The following ZNF624 variants were observed in gnomAD, a reference collection of about 807,000 sequenced individuals.
ZNF624 encodes zinc finger protein 624.
Under a neutral mutation model 74.7 loss-of-function variants are expected in ZNF624, and 43 were observed. The observed-to-expected ratio is 0.58, with a 90% CI of 0.45 to 0.74. ZNF624 has a LOEUF of 0.74. Ranked by LOEUF, ZNF624 falls within the 30% of genes least tolerant of loss-of-function variation. The pLI, the probability that ZNF624 is intolerant of heterozygous loss-of-function variation, is 0.00. For missense variants in ZNF624, 820 were observed against 1,030.0 expected, an observed-to-expected ratio of 0.80 and a Z score of 2.79; for synonymous variants, 331 against 341.3, an observed-to-expected ratio of 0.97 and a Z score of 0.33.
In ZNF624 at chr17:16,633,927, G is replaced by C; in HGVS notation, c.311C>G (p.Ser104Cys). 1 of 1,613,462 alleles carries C rather than the reference G, an allele frequency of 6.2e-7. No individual in the cohort carries two copies. Among genetic ancestry groups the C allele is most frequent in the Non-Finnish European group, 8.5e-7 (1 of 1,179,650 alleles). ...TGGTCCTTTCCCATTCTCCAAATGA[G>C]ATATCATGTCTGGTTTGGAAACTGC... ...GLAVSKPDMI[S>C]HLENGKGPWV... The change falls in exon 5 of 6, where the codon TCT (serine) becomes TGT (cysteine). Residue 104 changes from serine to cysteine, a missense_variant. By Grantham distance (112) the Ser-to-Cys change is moderately radical. Transcript: ENST00000311331.
chr17:16,632,378 A>G (rs1909227017), intron 5 of ZNF624, among the ~76,000 whole-genome samples: 1 of 152,136 alleles, frequency 6.6e-6, no homozygotes, highest in South Asian at 2.1e-4. Context: ...GCACTCAAAC[A>G]TGTCATAGCA....
intron 5 of ZNF624, 159 bp from the exon 6 acceptor site, chr17:16,624,668 G>A: frequency 1.5e-6 from 1 of 681,504 alleles, no homozygotes; most frequent in Non-Finnish European, 2.3e-6. Flanking sequence ...TAGGGTTAAG[G>A]GAGGCTGGTT....
At position 16,622,978 on chromosome 17, in the gene ZNF624, T is replaced by C. The variant is rs1348586469; in HGVS notation, c.1908A>G (p.Gly636=). Residue 636 remains glycine, a synonymous_variant, in exon 6 of 6, where the codon GGA becomes GGG. Coordinates refer to ENST00000311331, the MANE Select transcript of ZNF624 (RefSeq NM_020787.4). ...NLKEHQKIHT[G]VKPYKCYDCG... is the part of the protein sequence containing the mutation. ...AGTCATAACATTTATAGGGTTTCAC[T>C]CCAGTATGAATTTTCTGATGCTCCT... 1 of 1,614,032 alleles carries C rather than the reference T, an allele frequency of 6.2e-7. No homozygotes were observed. The highest frequency in any genetic ancestry group is 8.5e-7 in the Non-Finnish European group (1 of 1,179,946).
intron 3 of ZNF624, among the ~76,000 whole-genome samples, chr17:16,639,391 G>C (rs1909414880): frequency 6.6e-6 from 1 of 152,124 alleles, no homozygotes; most frequent in African/African-American, 2.4e-5. Flanking sequence ...GGCGAATGTA[G>C]GACATGTTGA....
Position 16,621,808 on chromosome 17 carries a change from A to T in ZNF624, c.*480T>A, listed in dbSNP as rs1597489240. The stretch of plus-strand genomic sequence containing the variant: ...GGATTAAGGAGATCTCTTTTAAGTA[A>T]AATGAGTAAAATAAAAAATCTAAAA... On this transcript the variant is annotated 3_prime_UTR_variant, in exon 6 of 6. Coordinates refer to ENST00000311331, the MANE Select transcript of ZNF624 (RefSeq NM_020787.4). 6.5e-6 allele frequency: 1 copy of T among 152,694 alleles called. No individual in the cohort carries two copies. Among genetic ancestry groups the T allele is most frequent in the Non-Finnish European group, 1.5e-5 (1 of 68,390 alleles). 9.5% of individuals were successfully genotyped at this position (152,694 alleles called of 1,614,324 possible).
At chr17:16,644,657 G>A (rs1251509666) in intron 3 of ZNF624, among the ~76,000 whole-genome samples, 1 of 152,170 alleles carries the variant, frequency 6.6e-6, no homozygotes, top group Non-Finnish European at 1.5e-5. Flanking sequence ...GTTCGAGAAA[G>A]TAAAAATTAG....
At chr17:16,626,341 T>C (rs1465770822) in intron 5 of ZNF624, among the ~76,000 whole-genome samples, 2 of 152,246 alleles carry the variant, frequency 1.3e-5, no homozygotes, top group Admixed American at 1.3e-4. Flanking sequence ...TTTGTCATGC[T>C]GTTGCTATTT....
downstream of ZNF624, chr17:16,617,914 G>T (rs1597488127): frequency 3.6e-6 from 5 of 1,407,646 alleles, no homozygotes; most frequent in East Asian, 4.9e-5. Flanking sequence ...AGGGCTGGTT[G>T]TGGAACGGCG....
At chr17:16,640,535 G>A (rs1909443181) in intron 3 of ZNF624, among the ~76,000 whole-genome samples, 1 of 151,978 alleles carries the variant, frequency 6.6e-6, no homozygotes, top group Non-Finnish European at 1.5e-5. Context: ...AAAAAAAAGA[G>A]AGAAGACACA....
Position 16,624,034 on chromosome 17 carries a change from G to C in ZNF624, c.852C>G (p.Ala284=). 1 of 1,613,574 alleles carries C rather than the reference G, an allele frequency of 6.2e-7. No homozygotes were observed. Among genetic ancestry groups the C allele is most frequent in the Non-Finnish European group, 8.5e-7 (1 of 1,179,918 alleles). Residue 284 remains alanine (A), a synonymous_variant, in exon 6 of 6, where the codon GCC becomes GCG. Coordinates refer to ENST00000311331, the MANE Select transcript of ZNF624 (RefSeq NM_020787.4). ...KPYKCSTCEK[A]FHYRSLLIQH... is the part of the protein sequence containing the mutation. ...GAATGAGCAATGATCTATAATGAAA[G>C]GCCTTTTCGCATGTACTACATTTGT...
chr17:16,620,817 AAAC>A lies in ZNF624; in HGVS notation c.*1468_*1470del, dbSNP rs763009379. 2 of 152,220 alleles carry A rather than the reference AAAC, an allele frequency of 1.3e-5. No individual in the cohort carries two copies. Among genetic ancestry groups the A allele is most frequent in the Non-Finnish European group, 2.9e-5 (2 of 68,034 alleles). The allele number at this position is 152,220 out of a possible 1,614,324, so 9.4% of individuals were successfully genotyped here. ...TTAAAAACACAGAAAAGAAAGTAAA[AAAC>A]AAAAAATTGATGAACCACTAAAACA... On this transcript the variant is annotated 3_prime_UTR_variant, in exon 6 of 6. Transcript: ENST00000311331.
In ZNF624 at chr17:16,633,925, G is replaced by A. The variant is rs1909263989; in HGVS notation, c.313C>T (p.His105Tyr). ...CATGGTCCTTTCCCATTCTCCAAATGAGATATCATGTCTGGTTTGGAAACT... is the reference window on the plus strand; with the variant it reads ...CATGGTCCTTTCCCATTCTCCAAATAAGATATCATGTCTGGTTTGGAAACT... ...LAVSKPDMIS[H>Y]LENGKGPWVT... Residue 105 changes from histidine to tyrosine, a missense_variant, in exon 5 of 6, where the codon CAT becomes TAT. Physicochemically the swap from His to Tyr is moderately conservative, Grantham distance 83. Transcript: ENST00000311331. The A allele has an allele frequency of 6.2e-7, 1 of 1,613,474 alleles. No individual in the cohort carries two copies. Among genetic ancestry groups the A allele is most frequent in the Non-Finnish European group, 8.5e-7 (1 of 1,179,646 alleles).
At chr17:16,635,936 T>A (rs947477072) in intron 3 of ZNF624, among the ~76,000 whole-genome samples, 2 of 148,370 alleles carry the variant, frequency 1.3e-5, no homozygotes, top group Non-Finnish European at 3.0e-5. Flanking sequence ...CCAGAAACCA[T>A]AACCAATAAG....
chr17:16,617,010 T>C (rs1484062210), downstream of ZNF624: 1 of 1,607,546 alleles, frequency 6.2e-7, no homozygotes, highest in Non-Finnish European at 8.5e-7. Context: ...ATCTGGATTT[T>C]GACTTTGTAT....
chr17:16,623,609 C>T lies in ZNF624; in HGVS notation c.1277G>A (p.Arg426Lys). The T allele has an allele frequency of 6.2e-7, 1 of 1,611,674 alleles. No individual in the cohort carries two copies. Among genetic ancestry groups the T allele is most frequent in the Non-Finnish European group, 8.5e-7 (1 of 1,179,268 alleles). ...ATGTACACTAAGATATGACTTGTTC[C>T]TAAAGGCTTTCCCACAATCATCACA... ...YKCDDCGKAF[R>K]NKSYLSVHQK... is the part of the protein sequence containing the mutation. Residue 426 changes from arginine to lysine, a missense_variant, in exon 6 of 6, where the codon AGG becomes AAG. Physicochemically the swap from Arg to Lys is conservative, Grantham distance 26. Coordinates refer to ENST00000311331, the MANE Select transcript of ZNF624 (RefSeq NM_020787.4). The surrounding 1 kb of genome is among the most constrained non-coding windows in gnomAD (Gnocchi z 5.3).
downstream of ZNF624, chr17:16,617,193 G>A (rs945526447): frequency 5.6e-6 from 9 of 1,612,446 alleles, no homozygotes; most frequent in African/African-American, 1.2e-4. Context: ...ATCGACCTTT[G>A]CTCCGCGACC....
intron 3 of ZNF624, among the ~76,000 whole-genome samples, chr17:16,645,578 C>A (rs1358401499): frequency 6.7e-6 from 1 of 149,810 alleles, no homozygotes; most frequent in Non-Finnish European, 1.5e-5. Context: ...AAACATGTAC[C>A]TGTAAAATAA....
intron 3 of ZNF624, 116 bp from the exon 4 acceptor site, chr17:16,634,872 A>AG: frequency 1.1e-6 from 1 of 893,170 alleles, no homozygotes; most frequent in Non-Finnish European, 1.7e-6. Context: ...ATGATCATGT[A>AG]GGTCAACCAG....
At position 16,624,091 on chromosome 17, in the gene ZNF624, C is replaced by A. The variant is rs1322559122; in HGVS notation, c.795G>T (p.Leu265Phe). The A allele has an allele frequency of 6.2e-7, 1 of 1,614,044 alleles. No individual in the cohort carries two copies. The highest frequency in any genetic ancestry group is 1.6e-4 in the Middle Eastern group (1 of 6,062). The change falls in exon 6 of 6, where the codon TTG becomes TTT. Residue 265 changes from leucine to phenylalanine, a missense_variant. Physicochemically the swap from Leu to Phe is conservative, Grantham distance 22 (BLOSUM62 0). Coordinates refer to ENST00000311331, the MANE Select transcript of ZNF624 (RefSeq NM_020787.4). ...TTTCCTTATTATTGGATTTTTTCCCCAAAGTTAGTTCTGAAGTCTGCCTTA... is the reference window on the plus strand; with the variant it reads ...TTTCCTTATTATTGGATTTTTTCCCAAAAGTTAGTTCTGAAGTCTGCCTTA... ...KAIRQTSELT[L>F]GKKSNNKEKP...
Sources: allele counts gnomAD v4.1 joint callset (sites outside exome capture counted in the v4.1 genomes callset), GRCh38; gene constraint gnomAD v4.1.1; non-coding constraint Gnocchi (gnomAD v3.1); transcripts MANE v1.5; gene names NCBI Gene and HGNC (gene_info 2026-07-23, HGNC 2026-07-21).